Variants in ECHDC3 observed in about 807,000 individuals in gnomAD.
ECHDC3 encodes enoyl-CoA hydratase domain containing 3.
ECHDC3 carries 20 observed loss-of-function variants against 17.9 expected under a neutral mutation model. That is an observed-to-expected ratio of 1.12 (90% confidence interval 0.79 to 1.63). The LOEUF (loss-of-function observed/expected upper bound fraction) is 1.63. ECHDC3 is among the 40% of genes most tolerant of loss of function. ECHDC3 has a pLI of 0.00. For missense variants in ECHDC3, 407 were observed against 357.7 expected (o/e 1.14, Z -1.11); for synonymous variants, 177 against 149.7 (o/e 1.18, Z -1.33).
At chr10:11,757,900 A>G (rs1186181936) in intron 4 of ECHDC3, among the ~76,000 whole-genome samples, 4 of 152,080 alleles carry the variant, frequency 2.6e-5, no homozygotes, top group African/African-American at 4.8e-5. Context: ...GACCCAAACC[A>G]CCTGCCCGTT....
chr10:11,743,722 C>T (rs993043034), intron 1 of ECHDC3, among the ~76,000 whole-genome samples: 2 of 152,246 alleles, frequency 1.3e-5, no homozygotes, highest in Non-Finnish European at 2.9e-5. Context: ...GGACCCCTTG[C>T]TCATCAACTA....
chr10:11,750,031 G>C (rs1350700945), intron 3 of ECHDC3, among the ~76,000 whole-genome samples: 6 of 151,934 alleles, frequency 3.9e-5, no homozygotes, highest in African/African-American at 1.5e-4. Context: ...CCTGACCTCA[G>C]ATGATCCTCC....
At chr10:11,761,139 GTC>G (rs1446675441) in intron 4 of ECHDC3, among the ~76,000 whole-genome samples, 6 of 152,364 alleles carry the variant, frequency 3.9e-5, no homozygotes, top group Non-Finnish European at 8.8e-5. Context: ...CAGGCTTCTG[GTC>G]TCTCTATCCA....
chr10:11,748,529 A>G (rs532881840), intron 2 of ECHDC3, among the ~76,000 whole-genome samples: 3 of 151,828 alleles, frequency 2.0e-5, no homozygotes, highest in African/African-American at 7.2e-5. Flanking sequence ...GGGTCTCACT[A>G]TAGCTTCTTA....
intron 4 of ECHDC3, among the ~76,000 whole-genome samples, chr10:11,759,140 G>GA (rs1832916992): frequency 6.6e-6 from 1 of 152,162 alleles, no homozygotes; most frequent in Non-Finnish European, 1.5e-5. Context: ...GATCACCTGA[G>GA]ATCAGGAGTT....
At chr10:11,753,811 G>A (rs1232348915) in intron 3 of ECHDC3, among the ~76,000 whole-genome samples, 1 of 151,744 alleles carries the variant, frequency 6.6e-6, no homozygotes, top group Non-Finnish European at 1.5e-5. Context: ...GTCTCACTGT[G>A]TCACCCAGGC....
chr10:11,742,653 TC>T lies in ECHDC3; in HGVS notation c.81del (p.Ala28ProfsTer29). 1 of 1,251,704 alleles carries T rather than the reference TC, an allele frequency of 8.0e-7. No individual in the cohort carries two copies. Among genetic ancestry groups the T allele is most frequent in the South Asian group, 3.1e-5 (1 of 32,190 alleles). 77.5% of individuals were successfully genotyped at this position (1,251,704 alleles called of 1,614,324 possible). A position where few individuals can be genotyped will look rare whatever the true frequency, so the allele number is the denominator to read the frequency against. Reference sequence around the variant, plus strand: ...CTCCGGCGCGGCCCCTGGGCCCAGCTCCCCGCCCGCTTCTGCAGCCGGGACC... The same window carrying T: ...CTCCGGCGCGGCCCCTGGGCCCAGCTCCCGCCCGCTTCTGCAGCCGGGACC... ...MCLRRGPWAQ[L>X]PARFCSRDPA... is the part of the protein sequence containing the mutation. On this transcript the variant is annotated frameshift_variant, in exon 1 of 5. Coordinates refer to ENST00000379215, the MANE Select transcript of ECHDC3 (RefSeq NM_024693.5). LOFTEE classifies it high-confidence loss of function.
At chr10:11,760,646 C>A (rs563466964) in intron 4 of ECHDC3, among the ~76,000 whole-genome samples, 9 of 152,316 alleles carry the variant, frequency 5.9e-5, no homozygotes, top group African/African-American at 2.2e-4. Context: ...CATTTGGTCC[C>A]TCTGAGTTCC....
intron 4 of ECHDC3, among the ~76,000 whole-genome samples, chr10:11,760,538 G>C (rs1004538019): frequency 2.0e-5 from 3 of 152,240 alleles, no homozygotes; most frequent in African/African-American, 7.2e-5. Context: ...TCTAGGACTT[G>C]ATCATTGCAA....
intron 3 of ECHDC3, among the ~76,000 whole-genome samples, chr10:11,751,234 A>T (rs1380673124): frequency 1.3e-5 from 2 of 152,150 alleles, no homozygotes; most frequent in African/African-American, 4.8e-5. Context: ...ATGAACTGGG[A>T]TCTAAACAGC....
At chr10:11,752,376 TC>T (rs967006563) in intron 3 of ECHDC3, 7 of 145,822 alleles carry the variant, frequency 4.8e-5, no homozygotes, top group Non-Finnish European at 1.1e-4. Flanking sequence ...CACCTTGACC[TC>T]CCAAAGTGCT....
chr10:11,751,393 A>G (rs754150543), intron 3 of ECHDC3, among the ~76,000 whole-genome samples: 10 of 152,244 alleles, frequency 6.6e-5, no homozygotes, highest in Non-Finnish European at 1.2e-4. Context: ...TAGGACTGAA[A>G]GTGTATTGAT....
At chr10:11,753,477 A>G (rs1381159851) in intron 3 of ECHDC3, among the ~76,000 whole-genome samples, 2 of 152,212 alleles carry the variant, frequency 1.3e-5, no homozygotes, top group Non-Finnish European at 2.9e-5. Context: ...CCATTCACAG[A>G]TGATGGACAG....
chr10:11,745,199 T>A (rs550756364), intron 1 of ECHDC3, among the ~76,000 whole-genome samples: 1 of 152,258 alleles, frequency 6.6e-6, no homozygotes, highest in African/African-American at 2.4e-5. Context: ...GAGAGTGGAC[T>A]CTGCAGTTTA....
chr10:11,744,625 G>C (rs574582538), intron 1 of ECHDC3, among the ~76,000 whole-genome samples: 2 of 151,870 alleles, frequency 1.3e-5, no homozygotes, highest in African/African-American at 4.8e-5. Context: ...AGCTCTCGGT[G>C]CAAGGCATCG....
chr10:11,745,002 G>C (rs1832744882), intron 1 of ECHDC3, among the ~76,000 whole-genome samples: 1 of 152,212 alleles, frequency 6.6e-6, no homozygotes, highest in Non-Finnish European at 1.5e-5. Context: ...CAGAGGGCTA[G>C]TAGCCCACGA....
At chr10:11,756,199 A>G (rs1832885270) in intron 4 of ECHDC3, among the ~76,000 whole-genome samples, 1 of 152,202 alleles carries the variant, frequency 6.6e-6, no homozygotes, top group South Asian at 2.1e-4. Flanking sequence ...CCGTGTTGCA[A>G]AGTGGTTTTG....
chr10:11,759,981 T>C (rs1230108221), intron 4 of ECHDC3, among the ~76,000 whole-genome samples: 1 of 152,260 alleles, frequency 6.6e-6, no homozygotes, highest in Non-Finnish European at 1.5e-5. Context: ...GTGGCAGAGC[T>C]GGGGTTGGAA....
intron 4 of ECHDC3, among the ~76,000 whole-genome samples, chr10:11,761,662 T>G (rs1453432442): frequency 2.0e-5 from 3 of 152,194 alleles, no homozygotes; most frequent in African/African-American, 7.2e-5. Context: ...ACAAGGGTAG[T>G]TGGCGGCACA....
Sources: allele counts gnomAD v4.1 joint callset (sites outside exome capture counted in the v4.1 genomes callset), GRCh38; gene constraint gnomAD v4.1.1; transcripts MANE v1.5; gene names NCBI Gene and HGNC (gene_info 2026-07-23, HGNC 2026-07-21).